The following DCP2 variants were observed in gnomAD, a reference collection of about 807,000 sequenced individuals.
The protein encoded by DCP2 is decapping mRNA 2, also known as m7GpppN-mRNA hydrolase.
DCP2 carries 30 observed loss-of-function variants against 56.1 expected under a neutral mutation model. That is an observed-to-expected ratio of 0.53 (90% confidence interval 0.40 to 0.73). The LOEUF (loss-of-function observed/expected upper bound fraction) is 0.73. Ranked by LOEUF, DCP2 falls within the 30% of genes least tolerant of loss-of-function variation. DCP2 has a pLI of 0.00. For missense variants in DCP2, 533 were observed against 502.7 expected (o/e 1.06, Z -0.58); for synonymous variants, 197 against 163.3 (o/e 1.21, Z -1.57).
intron 4 of DCP2, 125 bp from the exon 5 acceptor site, chr5:113,000,959 A>T (rs1749150128): frequency 1.0e-6 from 1 of 994,878 alleles, no homozygotes; most frequent in Admixed American, 3.0e-5. Context: ...CCAGCCTGTC[A>T]TTTCTAGAAA....
intron 1 of DCP2, among the ~76,000 whole-genome samples, chr5:112,983,772 G>GA (rs1347069894): frequency 2.0e-5 from 3 of 151,806 alleles, no homozygotes; most frequent in Non-Finnish European, 4.4e-5. Context: ...GAAGTAAAAA[G>GA]AAAAAAAATC....
At chr5:113,004,298 G>A (rs1174629825) in intron 8 of DCP2, among the ~76,000 whole-genome samples, 1 of 152,190 alleles carries the variant, frequency 6.6e-6, no homozygotes, top group Non-Finnish European at 1.5e-5. Flanking sequence ...TCTGACTTTT[G>A]TGTATATGCT....
intron 9 of DCP2, among the ~76,000 whole-genome samples, chr5:113,009,698 C>G (rs6888965): frequency 0.19 from 29,130 of 152,020 alleles, 2,921 homozygotes; most frequent in Non-Finnish European, 0.21. Flanking sequence ...GGGTTACCAT[C>G]AAGTTGCTAA....
chr5:112,979,436 A>G (rs2150165244), intron 1 of DCP2, among the ~76,000 whole-genome samples: 1 of 152,270 alleles, frequency 6.6e-6, no homozygotes, highest in South Asian at 2.1e-4. Context: ...CTGTAAAAAT[A>G]AAGCTTAATT....
At chr5:112,984,814 C>T (rs909650490) in intron 1 of DCP2, among the ~76,000 whole-genome samples, 32 of 112,456 alleles carry the variant, frequency 2.8e-4, no homozygotes, top group African/African-American at 1.3e-3. Context: ...AAGTGATCCT[C>T]CTGCCTTAGC....
At chr5:112,998,163 A>G (rs1375593857) in intron 4 of DCP2, among the ~76,000 whole-genome samples, 1 of 152,182 alleles carries the variant, frequency 6.6e-6, no homozygotes, top group Non-Finnish European at 1.5e-5. Context: ...CTGTTTTATC[A>G]CTTTTAGAAT....
chr5:113,003,608 A>G (rs1352116136), intron 7 of DCP2, among the ~76,000 whole-genome samples: 1 of 152,196 alleles, frequency 6.6e-6, no homozygotes, highest in Admixed American at 6.5e-5. Context: ...CGTTTCATCT[A>G]AATTTAGATT....
chr5:113,019,948 G>T lies in DCP2; in HGVS notation c.*6464G>T, dbSNP rs888792453. 3 of 152,214 alleles carry T rather than the reference G, an allele frequency of 2.0e-5. No homozygotes were observed. The highest frequency in any genetic ancestry group is 2.9e-5 in the Non-Finnish European group (2 of 68,028). The allele number at this position is 152,214 out of a possible 1,614,324, so 9.4% of individuals were successfully genotyped here. On this transcript the variant is annotated 3_prime_UTR_variant, in exon 11 of 11. Coordinates refer to ENST00000389063, the MANE Select transcript of DCP2 (RefSeq NM_152624.6). ...GAAATAGGGCATACAGATTAGTTTG[G>T]ATGGGAAAGTGGTAAGACTTGACTT...
chr5:113,001,760 G>A (rs1749190675), intron 7 of DCP2, 86 bp downstream of exon 7: 2 of 1,273,712 alleles, frequency 1.6e-6, no homozygotes, highest in South Asian at 2.5e-5. Flanking sequence ...ATTTGCAGAG[G>A]ATGTAAGATT....
At chr5:112,985,730 G>T (rs779273801) in intron 1 of DCP2, 105 bp from the exon 2 acceptor site, 37 of 1,308,044 alleles carry the variant, frequency 2.8e-5, no homozygotes, top group Non-Finnish European at 3.7e-5. Context: ...ACTGCTCTTG[G>T]TCCCTTTTCT....
chr5:113,001,031 A>G (rs1749152692), intron 4 of DCP2, 53 bp from the exon 5 acceptor site: 1 of 1,509,318 alleles, frequency 6.6e-7, no homozygotes, highest in Non-Finnish European at 8.9e-7. Flanking sequence ...ATTTTAATGA[A>G]CTAGAGGCCT....
chr5:113,009,774 CAG>C (rs1236550872), intron 9 of DCP2, among the ~76,000 whole-genome samples: 1 of 152,122 alleles, frequency 6.6e-6, no homozygotes, highest in Non-Finnish European at 1.5e-5. Context: ...TAAAGACTAT[CAG>C]ACACTAGTAC....
intron 9 of DCP2, 31 bp downstream of exon 9, chr5:113,008,073 C>T (rs1749521876): frequency 6.4e-7 from 1 of 1,561,274 alleles, no homozygotes; most frequent in South Asian, 1.1e-5. Flanking sequence ...ACTAAGTAGG[C>T]AGTTCATCCT....
chr5:112,984,699 A>ATATATATATATATGTAT (rs377520502), intron 1 of DCP2: 1 of 78,534 alleles, frequency 1.3e-5, no homozygotes, highest in African/African-American at 6.5e-5. Context: ...AAAAAAAAAA[A>ATATATATATATATGTAT]AAAAATATAT....
chr5:112,996,674 T>C (rs1410722744), intron 4 of DCP2, among the ~76,000 whole-genome samples: 5 of 152,194 alleles, frequency 3.3e-5, no homozygotes, highest in Non-Finnish European at 7.3e-5. Context: ...TAAGTAATTA[T>C]CAATAGAGAG....
chr5:112,998,778 A>G (rs966796033), intron 4 of DCP2, among the ~76,000 whole-genome samples: 7 of 152,254 alleles, frequency 4.6e-5, no homozygotes, highest in African/African-American at 1.4e-4. Context: ...GAATTATTTA[A>G]GAGTAAATTG....
At chr5:112,997,598 T>A (rs931861689) in intron 4 of DCP2, among the ~76,000 whole-genome samples, 3 of 149,788 alleles carry the variant, frequency 2.0e-5, no homozygotes. Context: ...GGTTACACTT[T>A]TTCTTTTTCT....
intron 9 of DCP2, among the ~76,000 whole-genome samples, chr5:113,008,703 A>T (rs1749549391): frequency 1.3e-5 from 2 of 152,202 alleles, no homozygotes. Flanking sequence ...TTTGGGTTCT[A>T]ATGACTCATT....
At chr5:113,005,240 C>G (rs1316704460) in intron 8 of DCP2, among the ~76,000 whole-genome samples, 2 of 151,444 alleles carry the variant, frequency 1.3e-5, no homozygotes, top group Non-Finnish European at 2.9e-5. Context: ...AAGTAGCCCA[C>G]AAAATAGAAG....
Sources: allele counts gnomAD v4.1 joint callset (sites outside exome capture counted in the v4.1 genomes callset), GRCh38; gene constraint gnomAD v4.1.1; transcripts MANE v1.5; gene names NCBI Gene and HGNC (gene_info 2026-07-23, HGNC 2026-07-21).